Variants in CDH4 observed in about 807,000 individuals in gnomAD.
CDH4 encodes the protein cadherin-4.
CDH4 carries 33 observed loss-of-function variants against 86.0 expected under a neutral mutation model. The observed-to-expected ratio is 0.38, with a 90% CI of 0.29 to 0.51. CDH4 has a LOEUF of 0.51. Among genes scored for constraint, CDH4 ranks in the 20% least tolerant of loss-of-function variants. The pLI is 0.86. For missense variants in CDH4, 1,114 were observed against 1,307.4 expected, an observed-to-expected ratio of 0.85 and a Z score of 2.28; for synonymous variants, 555 against 549.4, an observed-to-expected ratio of 1.01 and a Z score of -0.14.
chr20:61,752,032 A>G (rs2088502807), intron 3 of CDH4, among the ~76,000 whole-genome samples: 1 of 152,236 alleles, frequency 6.6e-6, no homozygotes, highest in African/African-American at 2.4e-5. Context: ...ACTGGACTTT[A>G]TTAAAAATAA....
intron 4 of CDH4, among the ~76,000 whole-genome samples, chr20:61,838,096 C>G (rs1015272258): frequency 2.0e-5 from 3 of 152,092 alleles, no homozygotes; most frequent in African/African-American, 7.2e-5. Flanking sequence ...GCCAGGACAG[C>G]CTTGGGTTTC....
intron 11 of CDH4, among the ~76,000 whole-genome samples, chr20:61,925,674 G>A (rs370904132): frequency 2.0e-5 from 3 of 152,240 alleles, no homozygotes; most frequent in Admixed American, 6.5e-5. Context: ...ACTGATGGAG[G>A]AAACTGCAGC....
intron 2 of CDH4, among the ~76,000 whole-genome samples, chr20:61,620,315 G>GAT (rs2086764895): frequency 2.0e-5 from 3 of 151,172 alleles, no homozygotes; most frequent in African/African-American, 7.3e-5. Flanking sequence ...TAGATAGGTA[G>GAT]GTAGATGGAT....
At chr20:61,429,976 G>C (rs1264927960) in intron 2 of CDH4, among the ~76,000 whole-genome samples, 4 of 152,336 alleles carry the variant, frequency 2.6e-5, no homozygotes, top group South Asian at 2.1e-4. Context: ...GCATGGCTTG[G>C]AGCCATGCTT....
At chr20:61,910,344 C>G (rs1217569860) in intron 8 of CDH4, 78 bp from the exon 9 acceptor site, 1 of 1,283,908 alleles carries the variant, frequency 7.8e-7, no homozygotes, top group South Asian at 1.3e-5. Context: ...CGTTGAGCTG[C>G]ACATATGCTA....
chr20:61,660,617 C>T (rs2087242772), intron 2 of CDH4, among the ~76,000 whole-genome samples: 5 of 152,106 alleles, frequency 3.3e-5, no homozygotes, highest in African/African-American at 1.2e-4. Context: ...GGCGGTCGTT[C>T]CCGGCAGGAC....
At chr20:61,715,033 G>A (rs2087938264) in intron 2 of CDH4, among the ~76,000 whole-genome samples, 1 of 152,184 alleles carries the variant, frequency 6.6e-6, no homozygotes, top group South Asian at 2.1e-4. Context: ...CATCAGCAAT[G>A]TGTGAGCATT....
chr20:61,637,792 G>A (rs2024711), intron 2 of CDH4, among the ~76,000 whole-genome samples: 52,263 of 151,728 alleles, frequency 0.34, 9,026 homozygotes, highest in East Asian at 0.48. Flanking sequence ...AGGCGGAGGC[G>A]GGCGGATCAC....
rs6129085 is a variant in CDH4 at position 61,255,851 on chromosome 20, G to T, written c.169+914G>T. ...ACGCTTATAGTGAAGTGATTTTTCA[G>T]ATCCTCGCCCTTCAAGACAGAACTT... On this transcript the variant is annotated intron_variant, in intron 2 of 15. Transcript: ENST00000614565. Among the ~76,000 whole-genome samples, 4 of 152,302 alleles carry T rather than the reference G, an allele frequency of 2.6e-5. No individual in the cohort carries two copies. The East Asian group carries it at 7.7e-4, about 29-fold the overall frequency.
In CDH4 at chr20:61,328,182, T is replaced by A. The variant is rs536542036; in HGVS notation, c.169+73245T>A. Among the ~76,000 whole-genome samples the A allele has an allele frequency of 8.6e-4, 131 of 152,300 alleles. 1 individual carries two copies. Among genetic ancestry groups the A allele is most frequent in the African/African-American group, 2.6e-3 (108 of 41,572 alleles). ...ACTCTCTAATAAAATTGCTATTTTT[T>A]AAAATTTTTTTGAGATGAAGTCTCG... On this transcript the variant is annotated intron_variant, in intron 2 of 15. Transcript: ENST00000614565.
intron 2 of CDH4, among the ~76,000 whole-genome samples, chr20:61,404,215 T>A (rs1248099054): frequency 6.6e-6 from 1 of 152,040 alleles, no homozygotes; most frequent in Non-Finnish European, 1.5e-5. Context: ...ACATTTCTTC[T>A]CCTTGCTAAG....
chr20:61,430,905 C>T (rs902495363), intron 2 of CDH4, among the ~76,000 whole-genome samples: 8 of 152,190 alleles, frequency 5.3e-5, no homozygotes, highest in Admixed American at 5.2e-4. Context: ...TGCCTGCAGC[C>T]CCCAGGCTTC....
intron 4 of CDH4, among the ~76,000 whole-genome samples, chr20:61,784,533 C>T (rs1186149263): frequency 9.5e-6 from 1 of 104,998 alleles, no homozygotes; most frequent in African/African-American, 4.0e-5. Context: ...GGACAGTTCT[C>T]GAGGCCCTCA....
intron 2 of CDH4, among the ~76,000 whole-genome samples, chr20:61,471,306 T>C (rs969689972): frequency 7.2e-5 from 11 of 152,100 alleles, no homozygotes; most frequent in Non-Finnish European, 1.6e-4. Context: ...TCCAACTTAT[T>C]GTCATACAGT....
At chr20:61,497,546 G>A (rs1009577321) in intron 2 of CDH4, among the ~76,000 whole-genome samples, 1 of 152,170 alleles carries the variant, frequency 6.6e-6, no homozygotes, top group Non-Finnish European at 1.5e-5. Context: ...TCATTAAAAA[G>A]TCAGGAAACA....
chr20:61,573,072 A>G (rs377500512), intron 2 of CDH4, among the ~76,000 whole-genome samples: 6 of 116,716 alleles, frequency 5.1e-5, no homozygotes, highest in Admixed American at 1.7e-4. Flanking sequence ...ATGGATGGAT[A>G]GATGGTTGGA....
In CDH4 at chr20:61,827,624, C is replaced by A. The variant is rs568598844; in HGVS notation, c.577-17044C>A. 5.9e-5 allele frequency among the ~76,000 whole-genome samples: 9 copies of A among 152,326 alleles called. No individual in the cohort carries two copies. In the South Asian group the frequency reaches 1.9e-3, roughly 32 times the overall value. On this transcript the variant is annotated intron_variant, in intron 4 of 15. Coordinates refer to ENST00000614565, the MANE Select transcript of CDH4 (RefSeq NM_001794.5). ...CTATCCATTATAGAGAAATAAAAGA[C>A]CAGCCCAATAGCACTGAACACCCAA...
At chr20:61,605,870 G>A (rs1165769276) in intron 2 of CDH4, among the ~76,000 whole-genome samples, 5 of 147,950 alleles carry the variant, frequency 3.4e-5, no homozygotes, top group East Asian at 2.0e-4. Context: ...TCCCAGTAGC[G>A]GTCAAGGCTG....
At chr20:61,560,088 C>G (rs192390671) in intron 2 of CDH4, among the ~76,000 whole-genome samples, 197 of 152,320 alleles carry the variant, frequency 1.3e-3, no homozygotes, top group Middle Eastern at 0.01. Flanking sequence ...ACTCGAACTT[C>G]GGAGTCGCTT....
Sources: gnomAD v4.1 joint callset for allele counts (sites outside exome capture counted in the v4.1 genomes callset) on GRCh38, gnomAD v4.1.1 for gene constraint, MANE v1.5 for transcripts, NCBI Gene and HGNC (gene_info 2026-07-23, HGNC 2026-07-21) for gene names.